The following TRPM3 variants were observed in gnomAD, a reference collection of about 807,000 sequenced individuals.
The protein encoded by TRPM3 is long transient receptor potential channel 3.
TRPM3 carries 77 observed loss-of-function variants against 181.2 expected under a neutral mutation model. The ratio of observed to expected loss-of-function variants is 0.42; its 90% CI spans 0.35 to 0.51. The LOEUF (loss-of-function observed/expected upper bound fraction) is 0.51. Among genes scored for constraint, TRPM3 ranks in the 20% least tolerant of loss-of-function variants. TRPM3 has a pLI of 0.01. For synonymous variants in TRPM3, 745 were observed against 796.4 expected (o/e 0.94, Z 1.09); for missense variants, 1,759 against 2,196.7 (o/e 0.80, Z 3.98).
At chr9:71,156,525 A>G (rs1363726347) in intron 1 of TRPM3, among the ~76,000 whole-genome samples, 2 of 152,130 alleles carry the variant, frequency 1.3e-5, no homozygotes, top group East Asian at 3.9e-4. Context: ...CTTTTTATAA[A>G]CAAACAAATC....
intron 1 of TRPM3, among the ~76,000 whole-genome samples, chr9:70,998,764 G>A (rs188635766): frequency 2.0e-5 from 3 of 152,208 alleles, no homozygotes; most frequent in Non-Finnish European, 2.9e-5. Context: ...CCTGGAACTC[G>A]GATTACAGCA....
chr9:70,674,896 C>T (rs1441234677), intron 9 of TRPM3, among the ~76,000 whole-genome samples: 1 of 151,180 alleles, frequency 6.6e-6, no homozygotes, highest in Admixed American at 6.6e-5. Flanking sequence ...AATTTATCTA[C>T]CTTTAAGTTT....
chr9:71,385,690 T>C (rs2092907035), intron 1 of TRPM3, among the ~76,000 whole-genome samples: 1 of 152,148 alleles, frequency 6.6e-6, no homozygotes, highest in African/African-American at 2.4e-5. Flanking sequence ...TAAGTGAGTC[T>C]TGGAATATTT....
intron 7 of TRPM3, among the ~76,000 whole-genome samples, chr9:70,763,313 C>A (rs984655923): frequency 4.6e-5 from 7 of 152,118 alleles, no homozygotes; most frequent in Non-Finnish European, 8.8e-5. Flanking sequence ...AGTTCGAGAT[C>A]AGCCTTGGCA....
rs2059257867 is a variant in TRPM3 at position 71,044,925 on chromosome 9, C to G, written c.177+76253G>C. 2.0e-5 allele frequency among the ~76,000 whole-genome samples: 3 copies of G among 152,106 alleles called. No individual in the cohort carries two copies. The South Asian group carries it at 6.2e-4, about 32-fold the overall frequency. ...TGACCTCGTGATCCACCCGCCTCGG[C>G]CTCCCAAAGTGCTGGGATTACAACC... On this transcript the variant is annotated intron_variant, in intron 1 of 25. Coordinates refer to ENST00000677713, the MANE Select transcript of TRPM3 (RefSeq NM_001366145.2).
intron 5 of TRPM3, among the ~76,000 whole-genome samples, chr9:70,842,395 T>A (rs1042352007): frequency 3.9e-5 from 6 of 152,166 alleles, no homozygotes; most frequent in South Asian, 4.2e-4. Flanking sequence ...CATTGCATTT[T>A]AAAAAATTGC....
At chr9:71,088,963 GCTCT>G (rs1725756436) in intron 1 of TRPM3, among the ~76,000 whole-genome samples, 1 of 151,530 alleles carries the variant, frequency 6.6e-6, no homozygotes, top group African/African-American at 2.4e-5. Context: ...TCTGATAGAA[GCTCT>G]CTGTTTTCTT....
At chr9:70,627,660 C>G (rs2064923645) in intron 12 of TRPM3, among the ~76,000 whole-genome samples, 1 of 152,124 alleles carries the variant, frequency 6.6e-6, no homozygotes. Flanking sequence ...GCTTGGGGTA[C>G]ATGGTAGGCT....
chr9:70,906,627 G>T (rs192409986), intron 1 of TRPM3, among the ~76,000 whole-genome samples: 1 of 152,318 alleles, frequency 6.6e-6, no homozygotes, highest in African/African-American at 2.4e-5. Context: ...TACAGGCTGG[G>T]CATAGTTGCT....
At chr9:71,106,168 T>C (rs923038265) in intron 1 of TRPM3, among the ~76,000 whole-genome samples, 2 of 152,176 alleles carry the variant, frequency 1.3e-5, no homozygotes, top group East Asian at 3.8e-4. Context: ...TTGGTATTTA[T>C]TCAGGACACA....
chr9:71,023,923 G>A (rs536267465), intron 1 of TRPM3, among the ~76,000 whole-genome samples: 2 of 152,202 alleles, frequency 1.3e-5, no homozygotes, highest in South Asian at 2.1e-4. Flanking sequence ...TCTTGACTGC[G>A]GTGTGGTTAC....
intron 1 of TRPM3, among the ~76,000 whole-genome samples, chr9:71,155,346 T>C (rs2075938032): frequency 6.6e-6 from 1 of 151,980 alleles, no homozygotes; most frequent in South Asian, 2.1e-4. Flanking sequence ...AGACAGAGTT[T>C]CACTCTTGTC....
chr9:71,394,380 G>A (rs565762063), intron 1 of TRPM3, among the ~76,000 whole-genome samples: 1 of 152,208 alleles, frequency 6.6e-6, no homozygotes, highest in South Asian at 2.1e-4. Context: ...GTAATTTTTA[G>A]TTTCTTTTTC....
chr9:70,799,005 TTTTAAA>T (rs1277300883), intron 6 of TRPM3, among the ~76,000 whole-genome samples: 1 of 152,218 alleles, frequency 6.6e-6, no homozygotes, highest in African/African-American at 2.4e-5. Context: ...TGTCCTGCAC[TTTTAAA>T]TTGAAGCCTC....
chr9:70,558,019 G>A (rs1391202373), intron 22 of TRPM3, among the ~76,000 whole-genome samples: 1 of 152,216 alleles, frequency 6.6e-6, no homozygotes, highest in Non-Finnish European at 1.5e-5. Flanking sequence ...AGGTTAATCA[G>A]TGTATTTTAT....
intron 1 of TRPM3, among the ~76,000 whole-genome samples, chr9:71,420,637 A>AAGAGAG (rs1317884324): frequency 6.7e-5 from 9 of 134,874 alleles, no homozygotes; most frequent in African/African-American, 2.5e-4. Context: ...GAAAAAGAAA[A>AAGAGAG]AGAGAGAGAA....
At chr9:70,868,271 T>C (rs2095698129) in intron 1 of TRPM3, among the ~76,000 whole-genome samples, 1 of 151,990 alleles carries the variant, frequency 6.6e-6, no homozygotes, top group Non-Finnish European at 1.5e-5. Flanking sequence ...AATAGGGAAG[T>C]GTTTTTCAAA....
chr9:70,828,345 C>T (rs1027948743), intron 5 of TRPM3, among the ~76,000 whole-genome samples: 1 of 152,110 alleles, frequency 6.6e-6, no homozygotes, highest in African/African-American at 2.4e-5. Context: ...CTAATGATCC[C>T]AAAATAATTT....
chr9:71,105,121 C>A (rs1274711617), intron 1 of TRPM3, among the ~76,000 whole-genome samples: 1 of 152,146 alleles, frequency 6.6e-6, no homozygotes, highest in Non-Finnish European at 1.5e-5. Flanking sequence ...TGTATTCATA[C>A]AACATATGCA....
Sources: allele counts gnomAD v4.1 joint callset (sites outside exome capture counted in the v4.1 genomes callset), GRCh38; gene constraint gnomAD v4.1.1; transcripts MANE v1.5; gene names NCBI Gene and HGNC (gene_info 2026-07-23, HGNC 2026-07-21).